SLC12A7: variants seen among roughly 807,000 people sequenced by gnomAD.
SLC12A7 encodes the protein K-Cl cotransporter 4.
In SLC12A7, 100 loss-of-function variants were observed where a neutral mutation model predicts 120.6. The ratio of observed to expected loss-of-function variants is 0.83; its 90% confidence interval spans 0.71 to 0.98. The LOEUF (loss-of-function observed/expected upper bound fraction) is 0.98, where lower values mean the gene tolerates loss of function less well. Ranked by LOEUF, SLC12A7 falls within the 50% of genes least tolerant of loss-of-function variation. SLC12A7 has a pLI of 0.00. For missense variants in SLC12A7, 1,373 were observed against 1,548.1 expected (o/e 0.89, Z 1.90); for synonymous variants, 760 against 678.0 (o/e 1.12, Z -1.88).
chr5:1,062,495 G>A (rs1001045684), intron 20 of SLC12A7, among the ~76,000 whole-genome samples: 1 of 152,118 alleles, frequency 6.6e-6, no homozygotes, highest in African/African-American at 2.4e-5. Flanking sequence ...TGCAGCCCTC[G>A]GCCTAGGAAA....
the SLC12A7 span, among the ~76,000 whole-genome samples, chr5:1,127,028 T>C: frequency 3.3e-5 from 5 of 152,168 alleles, no homozygotes; most frequent in East Asian, 7.7e-4. Context: ...GATGTCTTTT[T>C]TTTTTTAGAC....
At chr5:1,102,272 C>T (rs1170379146) in intron 1 of SLC12A7, among the ~76,000 whole-genome samples, 2 of 152,228 alleles carry the variant, frequency 1.3e-5, no homozygotes, top group Non-Finnish European at 2.9e-5. Context: ...CCGATCCAGG[C>T]CTGGGAAGTG....
chr5:1,118,689 C>G, the SLC12A7 span, among the ~76,000 whole-genome samples: 2 of 152,246 alleles, frequency 1.3e-5, no homozygotes, highest in African/African-American at 2.4e-5. Context: ...ACGTAGGCCT[C>G]AGAGAGCCTG....
At position 1,105,442 on chromosome 5, in the gene SLC12A7, C is replaced by T. The variant is rs1742444793; in HGVS notation, c.124+6426G>A. Among the ~76,000 whole-genome samples the T allele has an allele frequency of 3.3e-5, 5 of 152,366 alleles. 1 individual carries two copies. In the South Asian group the frequency reaches 8.3e-4, roughly 25 times the overall value. ...AGGGATGAGGTCCTGCAGTCACCCA[C>T]CAGCCAAAGGGGACCCTGCCGTGGG... On this transcript the variant is annotated intron_variant, in intron 1 of 23. Coordinates refer to ENST00000264930, the MANE Select transcript of SLC12A7 (RefSeq NM_006598.3).
At position 1,063,934 on chromosome 5, in the gene SLC12A7, C is replaced by G; in HGVS notation, c.2649G>C (p.Gln883His). The change falls in exon 20 of 24, where the codon CAG (glutamine) becomes CAC (histidine). Residue 883 changes from glutamine (Q) to histidine (H), a missense_variant. Gln to His is a conservative substitution (Grantham distance 24). Transcript: ENST00000264930. ...KCRMRIFTVA[Q>H]VDDNSIQMKK... ...TCATCTGGATGCTGTTGTCGTCCAC[C>G]TGGGCCACGGTGAAGATACGCATCC... 1 of 1,612,656 alleles carries G rather than the reference C, an allele frequency of 6.2e-7. No individual in the cohort carries two copies. Among genetic ancestry groups the G allele is most frequent in the South Asian group, 1.1e-5 (1 of 91,070 alleles).
chr5:1,085,732 G>A (rs1239317505), intron 6 of SLC12A7, among the ~76,000 whole-genome samples: 2 of 152,118 alleles, frequency 1.3e-5, no homozygotes, highest in African/African-American at 2.4e-5. Flanking sequence ...GGGGGTCAGC[G>A]CACAGGCCAT....
At chr5:1,144,078 G>A in the SLC12A7 span, among the ~76,000 whole-genome samples, 4 of 152,244 alleles carry the variant, frequency 2.6e-5, no homozygotes, top group Non-Finnish European at 5.9e-5. Flanking sequence ...GAACAGCCCT[G>A]CAGGGAGGGG....
At chr5:1,064,601 G>A (rs872879) in intron 18 of SLC12A7, among the ~76,000 whole-genome samples, 3,374 of 152,360 alleles carry the variant, frequency 0.022, 124 homozygotes, top group African/African-American at 0.076. Context: ...ACCTGACAGC[G>A]CACAGGCCTG....
At chr5:1,057,440 T>A (rs373084150) in intron 22 of SLC12A7, 31 bp downstream of exon 22, 1 of 1,582,538 alleles carries the variant, frequency 6.3e-7, no homozygotes, top group South Asian at 1.2e-5. Context: ...CCAGGATCTG[T>A]TCCCCCCAGG....
intron 21 of SLC12A7, among the ~76,000 whole-genome samples, chr5:1,059,742 C>T (rs1174508805): frequency 7.1e-6 from 1 of 140,686 alleles, no homozygotes; most frequent in Non-Finnish European, 1.5e-5. Flanking sequence ...CGCACGGAGG[C>T]TGCACAGGTC....
At chr5:1,077,044 T>C (rs1738430469) in intron 12 of SLC12A7, among the ~76,000 whole-genome samples, 2 of 136,378 alleles carry the variant, frequency 1.5e-5, no homozygotes, top group African/African-American at 5.5e-5. Flanking sequence ...CTGCAACCTG[T>C]GTGGCCCCAG....
chr5:1,065,215 CGAGGGGACACT>C, intron 18 of SLC12A7, 57 bp downstream of exon 18: 3 of 1,161,730 alleles, frequency 2.6e-6, no homozygotes, highest in Non-Finnish European at 3.7e-6. Context: ...CAGGGGACAG[CGAGGGGACACT>C]GAGAGGACAC....
At chr5:1,061,721 G>A (rs1430431117) in intron 20 of SLC12A7, among the ~76,000 whole-genome samples, 13 of 152,240 alleles carry the variant, frequency 8.5e-5, no homozygotes, top group Admixed American at 2.6e-4. Context: ...AGGCCGAGGC[G>A]GGTGGATCAC....
At chr5:1,120,767 G>T in the SLC12A7 span, among the ~76,000 whole-genome samples, 4 of 152,168 alleles carry the variant, frequency 2.6e-5, no homozygotes, top group African/African-American at 9.7e-5. Context: ...CACGTGGGCT[G>T]CAGGGCAGGA....
chr5:1,080,812 A>C (rs1278069509), intron 9 of SLC12A7, among the ~76,000 whole-genome samples: 1 of 152,192 alleles, frequency 6.6e-6, no homozygotes, highest in Non-Finnish European at 1.5e-5. Context: ...GGTGTCTCCT[A>C]ACAGCCTGCC....
intron 9 of SLC12A7, 136 bp downstream of exon 9, chr5:1,081,441 T>C: frequency 1.2e-6 from 1 of 868,682 alleles, no homozygotes; most frequent in Non-Finnish European, 1.7e-6. Flanking sequence ...GAGGAATATT[T>C]GTGTCTAGGA....
At chr5:1,077,728 G>A in intron 12 of SLC12A7, 105 bp downstream of exon 12, 2 of 1,222,542 alleles carry the variant, frequency 1.6e-6, no homozygotes, top group Non-Finnish European at 2.2e-6. Context: ...TGGGGTCCAA[G>A]CCGCGGGCAT....
intron 23 of SLC12A7, among the ~76,000 whole-genome samples, chr5:1,052,795 C>G (rs545869013): frequency 6.6e-6 from 1 of 152,218 alleles, no homozygotes; most frequent in East Asian, 1.9e-4. Context: ...CCACGGATTC[C>G]GATCAGGACG....
In SLC12A7 at chr5:1,075,373, G is replaced by A. The variant is rs150315797; in HGVS notation, c.1965C>T (p.Arg655=). Residue 655 remains arginine, a splice_region_variant and synonymous_variant, in exon 15 of 24, where the codon CGC becomes CGT. Coordinates refer to ENST00000264930, the MANE Select transcript of SLC12A7 (RefSeq NM_006598.3). ...AGCIYKYIEY[R]GAEKEWGDGI... ...TAAGGGGGGCTGACAGCGCTTACCCGCGGTACTCGATGTACTTGTAGATGC... is the reference window on the plus strand; with the variant it reads ...TAAGGGGGGCTGACAGCGCTTACCCACGGTACTCGATGTACTTGTAGATGC... 6.0e-4 allele frequency: 961 copies of A among 1,610,676 alleles called. 7 individuals carry two copies. Among genetic ancestry groups the A allele is most frequent in the South Asian group, 4.2e-3 (385 of 91,034 alleles).
Sources: allele counts gnomAD v4.1 joint callset (sites outside exome capture counted in the v4.1 genomes callset), GRCh38; gene constraint gnomAD v4.1.1; transcripts MANE v1.5; gene names NCBI Gene and HGNC (gene_info 2026-07-23, HGNC 2026-07-21).